The following SWI5 variants were observed in gnomAD, a reference collection of about 807,000 sequenced individuals.
The protein encoded by SWI5 is DNA repair protein SWI5 homolog.
In SWI5, 12 loss-of-function variants were observed where a neutral mutation model predicts 17.0. The observed-to-expected ratio is 0.71, with a 90% CI of 0.45 to 1.14. The LOEUF is 1.14. Among genes scored for constraint, SWI5 ranks in the 50% most tolerant of loss-of-function variants. The pLI, the probability that SWI5 is intolerant of heterozygous loss-of-function variation, is 0.00. For synonymous variants in SWI5, 61 were observed against 64.0 expected (o/e 0.95, Z 0.22); for missense variants, 158 against 162.2 (o/e 0.97, Z 0.14).
At position 128,285,277 on chromosome 9, in the gene SWI5, G is replaced by C. The variant is rs148184502; in HGVS notation, c.233+646G>C. On this transcript the variant is annotated intron_variant, in intron 3 of 4. Transcript: ENST00000418976. This position sits in a 1 kb window ranked among gnomAD's most constrained non-coding sequence, Gnocchi z 4.8. ...GGGAAGGAAAGGGAAGGAAGGAAGG[G>C]AAAGGAAGGAAGGAAGGAAAGGAAG... Among the ~76,000 whole-genome samples the C allele has an allele frequency of 1.6e-3, 240 of 151,110 alleles. 1 individual carries two copies. The highest frequency in any genetic ancestry group is 5.4e-3 in the African/African-American group (224 of 41,212).
intron 2 of SWI5, among the ~76,000 whole-genome samples, chr9:128,280,670 A>C (rs896634306): frequency 6.6e-6 from 1 of 152,082 alleles, no homozygotes; most frequent in African/African-American, 2.4e-5. Context: ...GGCGCCCGCC[A>C]CCACGCCCAG....
chr9:128,288,614 T>TC, intron 4 of SWI5, 38 bp from the exon 5 acceptor site: 1 of 1,611,604 alleles, frequency 6.2e-7, no homozygotes, highest in African/African-American at 1.3e-5. Context: ...CTCCCACCTC[T>TC]CCCCACTGCA....
intron 2 of SWI5, among the ~76,000 whole-genome samples, chr9:128,280,009 G>A (rs1178255119): frequency 6.6e-6 from 1 of 152,174 alleles, no homozygotes; most frequent in East Asian, 1.9e-4. Flanking sequence ...GCAACAAGGA[G>A]TAATATTAAA....
In SWI5 at chr9:128,276,384, G is replaced by C. The variant is rs756652422; in HGVS notation, c.44G>C (p.Arg15Pro). The C allele has an allele frequency of 4.8e-5, 77 of 1,612,896 alleles. 1 individual carries two copies. The South Asian group carries it at 7.4e-4, about 15-fold the overall frequency. The change falls in exon 1 of 5, where the codon CGG (arginine) becomes CCG (proline). Residue 15 changes from arginine to proline, a missense_variant. By Grantham distance (103) the Arg-to-Pro change is moderately radical (BLOSUM62 -2). Transcript: ENST00000418976. The stretch of plus-strand genomic sequence containing the variant: ...TTGAACCCCCTGATCCGGGGGCCTC[G>C]GACCCCAGGGCTCAGGAGGTGGGCG...
At chr9:128,281,298 A>C (rs1171614068) in intron 2 of SWI5, among the ~76,000 whole-genome samples, 1 of 151,940 alleles carries the variant, frequency 6.6e-6, no homozygotes, top group Non-Finnish European at 1.5e-5. Flanking sequence ...GGCCTCCCAA[A>C]GTGCTGGGAT....
chr9:128,285,984 C>G lies in SWI5; in HGVS notation c.279C>G (p.His93Gln), dbSNP rs370235235. Residue 93 changes from histidine to glutamine, a missense_variant, in exon 4 of 5, where the codon CAC becomes CAG. Physicochemically the swap from His to Gln is conservative, Grantham distance 24. Transcript: ENST00000418976. The surrounding 1 kb of genome is among the most constrained non-coding windows in gnomAD (Gnocchi z 4.8). Reference sequence around the variant, plus strand: ...TGGAGGACCACATTACCCAGCTTCACGAGTACAATGACATCAAGGATGTGG... The same window carrying G: ...TGGAGGACCACATTACCCAGCTTCAGGAGTACAATGACATCAAGGATGTGG... The G allele has an allele frequency of 6.2e-7, 1 of 1,613,966 alleles. No individual in the cohort carries two copies. Among genetic ancestry groups the G allele is most frequent in the African/African-American group, 1.3e-5 (1 of 74,920 alleles).
At position 128,285,934 on chromosome 9, in the gene SWI5, C is replaced by G. The variant is rs1392767025; in HGVS notation, c.234-5C>G. 1 of 1,610,126 alleles carries G rather than the reference C, an allele frequency of 6.2e-7. No homozygotes were observed. Among genetic ancestry groups the G allele is most frequent in the East Asian group, 2.2e-5 (1 of 44,868 alleles). On this transcript the variant is annotated splice_region_variant and splice_polypyrimidine_tract_variant and intron_variant, in intron 3 of 4. Transcript: ENST00000418976. This position sits in a 1 kb window ranked among gnomAD's most constrained non-coding sequence, Gnocchi z 4.8. ...CTTTCCCCCTCTCTCCATCGCTTAT[C>G]CCAGAGGCTACAGTGTGGATGAACT...
intron 2 of SWI5, among the ~76,000 whole-genome samples, chr9:128,283,781 G>C (rs935613630): frequency 2.2e-4 from 34 of 152,262 alleles, no homozygotes; most frequent in Admixed American, 8.5e-4. Flanking sequence ...TCCAGCCAGC[G>C]GGAAGGGAGA....
upstream of SWI5, chr9:128,275,912 A>G: frequency 6.3e-7 from 1 of 1,584,432 alleles, no homozygotes. Context: ...CGCTGCGGCC[A>G]ATTTGCTCTG....
chr9:128,276,649 C>T, intron 1 of SWI5, 58 bp from the exon 2 acceptor site: 1 of 1,613,986 alleles, frequency 6.2e-7, no homozygotes. Flanking sequence ...CCCACAGTAC[C>T]CCGTCCTCAC....
At chr9:128,284,002 ATGT>A (rs936295796) in intron 2 of SWI5, among the ~76,000 whole-genome samples, 6 of 150,236 alleles carry the variant, frequency 4.0e-5, no homozygotes, top group African/African-American at 1.2e-4. Context: ...AAAAAAAAAA[ATGT>A]TGTGGGGTGG....
intron 2 of SWI5, among the ~76,000 whole-genome samples, chr9:128,279,941 A>G (rs1341101149): frequency 6.6e-6 from 1 of 152,100 alleles, no homozygotes; most frequent in Non-Finnish European, 1.5e-5. Flanking sequence ...ACTTCTCACA[A>G]TGTTCCTTCA....
intron 2 of SWI5, chr9:128,278,777 G>GTT: frequency 1.1e-4 from 46 of 418,798 alleles, no homozygotes; most frequent in Middle Eastern, 3.6e-4. Flanking sequence ...GGTTTTTTTT[G>GTT]TTTTTTTTTA....
chr9:128,283,047 G>C (rs973843834), intron 2 of SWI5, among the ~76,000 whole-genome samples: 2 of 152,154 alleles, frequency 1.3e-5, no homozygotes, highest in African/African-American at 4.8e-5. Flanking sequence ...GGGAGCAGTG[G>C]CTCACGCCTG....
intron 2 of SWI5, among the ~76,000 whole-genome samples, chr9:128,281,028 CTTTTTTTTTTTTTTT>C (rs11306272): frequency 2.3e-5 from 1 of 43,758 alleles, no homozygotes; most frequent in Non-Finnish European, 4.3e-5. Flanking sequence ...TTCAACCATG[CTTTTTTTTTTTTTTT>C]TTTTTTTTTT....
intron 2 of SWI5, among the ~76,000 whole-genome samples, chr9:128,280,801 G>A (rs1831523781): frequency 6.6e-6 from 1 of 152,116 alleles, no homozygotes; most frequent in Non-Finnish European, 1.5e-5. Context: ...ACAGGCGTGA[G>A]CCACCGTGCC....
rs920073337 is a variant in SWI5 at position 128,285,058 on chromosome 9, T to C, written c.233+427T>C. Among the ~76,000 whole-genome samples the C allele has an allele frequency of 6.7e-6, 1 of 148,554 alleles. No individual in the cohort carries two copies. Among genetic ancestry groups the C allele is most frequent in the Non-Finnish European group, 1.5e-5 (1 of 67,324 alleles). The stretch of plus-strand genomic sequence containing the variant: ...GCATAGAAATACGACTGTGCGCTAC[T>C]CAGGAGGCTGAGGCAGGAGAATCGC... On this transcript the variant is annotated intron_variant, in intron 3 of 4. Coordinates refer to ENST00000418976, the Ensembl canonical transcript of SWI5. This position sits in a 1 kb window ranked among gnomAD's most constrained non-coding sequence, Gnocchi z 4.8.
exon 1 of SWI5, chr9:128,276,312 A>T (rs374353743): frequency 4.3e-6 from 7 of 1,612,738 alleles, no homozygotes; most frequent in Non-Finnish European, 5.9e-6. Flanking sequence ...GGCCCGGTGC[A>T]CCTGAGAGGT....
intron 3 of SWI5, among the ~76,000 whole-genome samples, chr9:128,284,918 T>C (rs928543301): frequency 2.9e-5 from 4 of 140,018 alleles, no homozygotes; most frequent in Non-Finnish European, 6.0e-5. Context: ...ATCACGCCAC[T>C]GCACTCCAGC....
Sources: allele counts gnomAD v4.1 joint callset (sites outside exome capture counted in the v4.1 genomes callset), GRCh38; gene constraint gnomAD v4.1.1; non-coding constraint Gnocchi (gnomAD v3.1); transcripts MANE v1.5; gene names NCBI Gene and HGNC (gene_info 2026-07-23, HGNC 2026-07-21).